ITFG1: variants seen among roughly 807,000 people sequenced by gnomAD.
The protein encoded by ITFG1 is integrin alpha FG-GAP repeat containing 1.
Under a neutral mutation model 81.8 loss-of-function variants are expected in ITFG1, and 34 were observed. That is an observed-to-expected ratio of 0.42 (90% CI 0.32 to 0.55). The LOEUF is 0.55. Ranked by LOEUF, ITFG1 falls within the 20% of genes least tolerant of loss-of-function variation. The pLI is 0.17. For synonymous variants in ITFG1, 285 were observed against 270.6 expected (o/e 1.05, Z -0.52); for missense variants, 672 against 755.4 (o/e 0.89, Z 1.29).
At chr16:47,334,799 A>C (rs1365813898) in intron 8 of ITFG1, among the ~76,000 whole-genome samples, 1 of 152,248 alleles carries the variant, frequency 6.6e-6, no homozygotes, top group Admixed American at 6.5e-5. Flanking sequence ...TGCAAATATT[A>C]TAATTAGAAA....
In ITFG1 at chr16:47,311,418, G is replaced by T; in HGVS notation, c.898-6C>A. 1 of 1,586,498 alleles carries T rather than the reference G, an allele frequency of 6.3e-7. No homozygotes were observed. The highest frequency in any genetic ancestry group is 8.6e-7 in the Non-Finnish European group (1 of 1,168,450). ...TCTTGTAGGACTGGAACCCACTATGGATTAAGAGAAAAAGATCAGACTTTA... is the reference window on the plus strand; with the variant it reads ...TCTTGTAGGACTGGAACCCACTATGTATTAAGAGAAAAAGATCAGACTTTA... On this transcript the variant is annotated splice_region_variant and splice_polypyrimidine_tract_variant and intron_variant, in intron 9 of 17. Coordinates refer to ENST00000320640, the MANE Select transcript of ITFG1 (RefSeq NM_030790.5).
chr16:47,456,053 A>G (rs1969449087), intron 2 of ITFG1, among the ~76,000 whole-genome samples: 2 of 152,094 alleles, frequency 1.3e-5, no homozygotes, highest in Admixed American at 6.5e-5. Flanking sequence ...TGCCTAGCAT[A>G]ATAAGTAAAG....
At position 47,352,909 on chromosome 16, in the gene ITFG1, C is replaced by T. The variant is rs572782658; in HGVS notation, c.802+12879G>A. ...AATGATGAGTTCATCTCCTTTGTAG[C>T]GACATGGATGAAGCTGGAAACCATG... On this transcript the variant is annotated intron_variant, in intron 8 of 17. Coordinates refer to ENST00000320640, the MANE Select transcript of ITFG1 (RefSeq NM_030790.5). Among the ~76,000 whole-genome samples the T allele has an allele frequency of 7.1e-4, 108 of 152,090 alleles. 2 individuals are homozygous for T. The South Asian group carries it at 0.011, about 16-fold the overall frequency.
chr16:47,368,696 A>G (rs1414470628), intron 7 of ITFG1, among the ~76,000 whole-genome samples: 1 of 152,164 alleles, frequency 6.6e-6, no homozygotes, highest in Admixed American at 6.5e-5. Flanking sequence ...ATATCAACTC[A>G]ATATACTAAC....
chr16:47,428,544 G>C (rs1033689398), intron 6 of ITFG1, among the ~76,000 whole-genome samples: 3 of 152,108 alleles, frequency 2.0e-5, no homozygotes, highest in African/African-American at 7.2e-5. Context: ...AACATGTGCT[G>C]AAATTATCAT....
At chr16:47,240,989 A>G (rs1050536216) in intron 12 of ITFG1, among the ~76,000 whole-genome samples, 1 of 152,124 alleles carries the variant, frequency 6.6e-6, no homozygotes, top group Non-Finnish European at 1.5e-5. Context: ...AACTCCACTG[A>G]ACTATACCTT....
rs1964690386 is a variant in ITFG1 at position 47,155,575 on chromosome 16, A to G, written c.*144T>C. 1.4e-5 allele frequency: 9 copies of G among 630,002 alleles called. No homozygotes were observed. In the East Asian group the frequency reaches 1.7e-4, roughly 12 times the overall value. The allele number at this position is 630,002 out of a possible 1,614,324, so 39.0% of individuals were successfully genotyped here. ...AAAGACCTTGTGACATATTCAAACC[A>G]TATTTATTTGAATACTTTCCAATAA... On this transcript the variant is annotated 3_prime_UTR_variant, in exon 18 of 18. Transcript: ENST00000320640.
chr16:47,441,137 T>C (rs1290984343), intron 5 of ITFG1, among the ~76,000 whole-genome samples: 2 of 152,078 alleles, frequency 1.3e-5, no homozygotes, highest in African/African-American at 4.8e-5. Flanking sequence ...AGGAAGAAGT[T>C]GAATCTCTGA....
chr16:47,269,043 G>A (rs1966308363), intron 10 of ITFG1, among the ~76,000 whole-genome samples: 1 of 152,196 alleles, frequency 6.6e-6, no homozygotes, highest in African/African-American at 2.4e-5. Flanking sequence ...AAGACCTACA[G>A]TGAACATCAT....
intron 2 of ITFG1, among the ~76,000 whole-genome samples, chr16:47,458,332 T>C (rs1969479237): frequency 6.6e-6 from 1 of 152,212 alleles, no homozygotes; most frequent in African/African-American, 2.4e-5. Context: ...TACTTTTATC[T>C]CTTATAAATG....
At chr16:47,454,265 C>G (rs1596995051) in intron 2 of ITFG1, 107 bp from the exon 3 acceptor site, 1 of 905,084 alleles carries the variant, frequency 1.1e-6, no homozygotes, top group East Asian at 2.4e-5. Flanking sequence ...TAAAACTTAA[C>G]AGAACTGACT....
chr16:47,262,383 C>G (rs1966219895), intron 10 of ITFG1, among the ~76,000 whole-genome samples: 1 of 152,100 alleles, frequency 6.6e-6, no homozygotes, highest in African/African-American at 2.4e-5. Context: ...AAAATTTTTC[C>G]TGGTAACTTA....
chr16:47,433,769 GAA>G (rs1491530182), intron 5 of ITFG1, among the ~76,000 whole-genome samples: 1 of 109,894 alleles, frequency 9.1e-6, no homozygotes, highest in Non-Finnish European at 1.7e-5. Context: ...AATAAAAACT[GAA>G]TATATATATA....
intron 3 of ITFG1, 94 bp downstream of exon 3, chr16:47,453,919 G>C: frequency 1.2e-6 from 1 of 810,774 alleles, no homozygotes; most frequent in Non-Finnish European, 1.9e-6. Flanking sequence ...TGACACCCAA[G>C]AACAGTATTT....
At chr16:47,341,417 G>GAAAAAAAAAA (rs914125511) in intron 8 of ITFG1, among the ~76,000 whole-genome samples, 1 of 108,396 alleles carries the variant, frequency 9.2e-6, no homozygotes, top group Non-Finnish European at 2.0e-5. Flanking sequence ...AAAAAAAAAA[G>GAAAAAAAAAA]AAAAAAAAAA....
chr16:47,273,273 G>C (rs1009813438), intron 10 of ITFG1, among the ~76,000 whole-genome samples: 1 of 151,668 alleles, frequency 6.6e-6, no homozygotes, highest in Admixed American at 6.6e-5. Context: ...TAAACCTTAG[G>C]AAAGCCAGTT....
At chr16:47,288,569 A>G (rs1317356400) in intron 10 of ITFG1, among the ~76,000 whole-genome samples, 1 of 152,166 alleles carries the variant, frequency 6.6e-6, no homozygotes, top group African/African-American at 2.4e-5. Context: ...ATCAATGTAT[A>G]AGAGTTTCCC....
intron 14 of ITFG1, among the ~76,000 whole-genome samples, chr16:47,165,170 G>A (rs1283651516): frequency 1.3e-5 from 2 of 151,896 alleles, no homozygotes; most frequent in African/African-American, 4.8e-5. Flanking sequence ...TATTTTCTAG[G>A]TATTTTTCTA....
intron 10 of ITFG1, among the ~76,000 whole-genome samples, chr16:47,268,256 T>C (rs1004782151): frequency 2.0e-5 from 3 of 152,130 alleles, no homozygotes; most frequent in Admixed American, 1.3e-4. Flanking sequence ...GGGAATGTTA[T>C]AAAAAACTTT....
Sources: gnomAD v4.1 joint callset for allele counts (sites outside exome capture counted in the v4.1 genomes callset) on GRCh38, gnomAD v4.1.1 for gene constraint, MANE v1.5 for transcripts, NCBI Gene and HGNC (gene_info 2026-07-23, HGNC 2026-07-21) for gene names.